Variants in BUD31 observed in about 807,000 individuals in gnomAD.
The protein encoded by BUD31 is BUD31 spliceosome associated protein.
A neutral mutation model predicts 17.9 loss-of-function variants in BUD31; 9 were observed. The observed-to-expected ratio is 0.50, with a 90% CI of 0.30 to 0.88. The LOEUF is 0.88. Among genes scored for constraint, BUD31 ranks in the 40% least tolerant of loss-of-function variants. The pLI is 0.06. For synonymous variants in BUD31, 70 were observed against 64.7 expected (o/e 1.08, Z -0.39); for missense variants, 148 against 184.5 (o/e 0.80, Z 1.15).
At chr7:99,417,807 A>T in intron 5 of BUD31, 1 of 1,508,842 alleles carries the variant, frequency 6.6e-7, no homozygotes. Context: ...GGTCAATCTC[A>T]ACTCCACTTT....
At position 99,411,070 on chromosome 7, in the gene BUD31, G is replaced by C. The variant is rs370124327; in HGVS notation, c.-23G>C. The C allele has an allele frequency of 1.2e-6, 2 of 1,602,476 alleles. No homozygotes were observed. Among genetic ancestry groups the C allele is most frequent in the African/African-American group, 2.7e-5 (2 of 74,638 alleles). On this transcript the variant is annotated 5_prime_UTR_variant, in exon 3 of 6. Transcript: ENST00000222969. ...ATTCATTTTTTTCCCCCAGATCTTT[G>C]CAGATTATCCTGTGGAAGGAAAATG...
chr7:99,417,439 A>G lies in BUD31; in HGVS notation c.228A>G (p.Glu76=), dbSNP rs762758079. The G allele has an allele frequency of 6.2e-7, 1 of 1,613,944 alleles. No individual in the cohort carries two copies. The highest frequency in any genetic ancestry group is 1.3e-5 in the African/African-American group (1 of 75,028). The part of the protein sequence containing the change: ...KRKAISRELY[E]YCIKEGYADK... ...CCATCTTTTTGACAGAACTCTATGAATATTGTATTAAAGAAGGCTATGCAG... is the reference window on the plus strand; with the variant it reads ...CCATCTTTTTGACAGAACTCTATGAGTATTGTATTAAAGAAGGCTATGCAG... Residue 76 remains glutamate, a synonymous_variant, in exon 5 of 6, where the codon GAA becomes GAG. Transcript: ENST00000222969.
At chr7:99,412,581 G>C (rs1229763523) in intron 3 of BUD31, among the ~76,000 whole-genome samples, 1 of 151,570 alleles carries the variant, frequency 6.6e-6, no homozygotes, top group African/African-American at 2.4e-5. Flanking sequence ...GGCATCCACT[G>C]CCACGCTTGG....
rs59301509 is a variant in BUD31 at position 99,416,717 on chromosome 7, CTTTTTTT to C, written c.217+472_217+478del. The C allele has an allele frequency of 6.2e-3, 609 of 98,948 alleles. 4 individuals are homozygous for C. Among genetic ancestry groups the C allele is most frequent in the African/African-American group, 0.024 (559 of 23,504 alleles). 6.1% of individuals were successfully genotyped at this position (98,948 alleles called of 1,614,324 possible). A position where few individuals can be genotyped will look rare whatever the true frequency, so the allele number is the denominator to read the frequency against. ...TATAGGCGTGGTCCACCGCTCTTGG[CTTTTTTT>C]TTTTTTTTTTTTTTGAAACAGGGTC... On this transcript the variant is annotated intron_variant, in intron 4 of 5. Coordinates refer to ENST00000222969, the MANE Select transcript of BUD31 (RefSeq NM_003910.4).
rs1365722013 is a variant in BUD31, at chr7:99,417,414, C to G, written c.218-15C>G. On this transcript the variant is annotated splice_polypyrimidine_tract_variant and intron_variant, in intron 4 of 5. Coordinates refer to ENST00000222969, the MANE Select transcript of BUD31 (RefSeq NM_003910.4). ...TAGACCATGGCCTGATGCTCTTTCCCCATCTTTTTGACAGAACTCTATGAA... is the reference window on the plus strand; with the variant it reads ...TAGACCATGGCCTGATGCTCTTTCCGCATCTTTTTGACAGAACTCTATGAA... 15 of 1,613,172 alleles carry G rather than the reference C, an allele frequency of 9.3e-6. No individual in the cohort carries two copies. Among genetic ancestry groups the G allele is most frequent in the Non-Finnish European group, 1.3e-5 (15 of 1,179,296 alleles).
rs772511178 is a variant in BUD31 at position 99,416,238 on chromosome 7, C to T, written c.195C>T (p.Tyr65=). The change falls in exon 4 of 6, where the codon TAC becomes TAT. Residue 65 remains tyrosine (Y), a synonymous_variant. Transcript: ENST00000222969. The part of the protein sequence containing the change: ...QKTRYIFDLF[Y]KRKAISRELY... ...CCCGCTACATCTTCGACCTCTTTTA[C>T]AAGCGGAAAGCCATCAGCAGAGGTA... 6.2e-7 allele frequency: 1 copy of T among 1,613,926 alleles called. No individual in the cohort carries two copies. Among genetic ancestry groups the T allele is most frequent in the South Asian group, 1.1e-5 (1 of 91,074 alleles).
chr7:99,409,176 CACGTTCGTTCTTCTGAGGGG>C lies in BUD31; in HGVS notation c.-231_-212del, dbSNP rs781429112. On this transcript the variant is annotated 5_prime_UTR_variant, in exon 1 of 6. The change creates a premature stop within an existing upstream ORF in the 5' untranslated region. Transcript: ENST00000222969. ...GAGAGCTCCCGAGAGGAGGCGGCGC[CACGTTCGTTCTTCTGAGGGG>C]ACGGTAGATTTGGGGGTTTTCCTCT... 1 of 152,318 alleles carries C rather than the reference CACGTTCGTTCTTCTGAGGGG, an allele frequency of 6.6e-6. No homozygotes were observed. The highest frequency in any genetic ancestry group is 1.5e-5 in the Non-Finnish European group (1 of 68,152). 9.4% of individuals were successfully genotyped at this position (152,318 alleles called of 1,614,324 possible).
chr7:99,409,800 G>A (rs1425334585), intron 1 of BUD31, among the ~76,000 whole-genome samples: 4 of 150,998 alleles, frequency 2.6e-5, no homozygotes. Context: ...TAAAGTGTCA[G>A]TACAGAAGGG....
chr7:99,411,087 A>G lies in BUD31; in HGVS notation c.-6A>G, dbSNP rs776977295. ...AGATCTTTGCAGATTATCCTGTGGA[A>G]GGAAAATGCCTAAAGTCAAAAGAAG... On this transcript the variant is annotated 5_prime_UTR_variant, in exon 3 of 6. Transcript: ENST00000222969. 2.5e-6 allele frequency: 4 copies of G among 1,613,532 alleles called. No homozygotes were observed. The East Asian group carries it at 8.9e-5, about 36-fold the overall frequency.
chr7:99,417,769 C>G (rs755808989), intron 5 of BUD31, 174 bp downstream of exon 5: 1 of 1,531,148 alleles, frequency 6.5e-7, no homozygotes, highest in Non-Finnish European at 8.7e-7. Flanking sequence ...TGTGAGGCAG[C>G]GTGTGGCTGT....
At chr7:99,417,670 G>C in intron 5 of BUD31, 75 bp downstream of exon 5, 1 of 1,583,618 alleles carries the variant, frequency 6.3e-7, no homozygotes, top group East Asian at 2.3e-5. Context: ...GGGATCTTAT[G>C]TTATTTGGTT....
At position 99,419,474 on chromosome 7, in the gene BUD31, C is replaced by G. The variant is rs770818301; in HGVS notation, c.*33C>G. 2 of 1,608,166 alleles carry G rather than the reference C, an allele frequency of 1.2e-6. No individual in the cohort carries two copies. Among genetic ancestry groups the G allele is most frequent in the Non-Finnish European group, 1.7e-6 (2 of 1,179,574 alleles). On this transcript the variant is annotated 3_prime_UTR_variant, in exon 6 of 6. Coordinates refer to ENST00000222969, the MANE Select transcript of BUD31 (RefSeq NM_003910.4). ...GCGCTCCACCCTGGACTCTGGACTT[C>G]GCAGGTTCCTGCCTGTCACGCCACC...
At chr7:99,409,711 G>GTT (rs1359211635) in intron 1 of BUD31, among the ~76,000 whole-genome samples, 1 of 132,094 alleles carries the variant, frequency 7.6e-6, no homozygotes, top group African/African-American at 2.8e-5. Flanking sequence ...ACCTTATAGA[G>GTT]TTTGATTCCT....
In BUD31 at chr7:99,419,530, G is replaced by A; in HGVS notation, c.*89G>A. On this transcript the variant is annotated 3_prime_UTR_variant, in exon 6 of 6. Coordinates refer to ENST00000222969, the MANE Select transcript of BUD31 (RefSeq NM_003910.4). ...CCTGGGAGCAGCGAGCAGTGCCCCA[G>A]GCCCGAGTTGGAGCACGGTCTCTAT... The A allele has an allele frequency of 6.8e-7, 1 of 1,472,810 alleles. No homozygotes were observed. The highest frequency in any genetic ancestry group is 9.4e-7 in the Non-Finnish European group (1 of 1,063,716). 91.2% of individuals were successfully genotyped at this position (1,472,810 alleles called of 1,614,324 possible).
At position 99,418,022 on chromosome 7, in the gene BUD31, C is replaced by T. The variant is rs1795603148; in HGVS notation, c.384+427C>T. On this transcript the variant is annotated intron_variant, in intron 5 of 5. Transcript: ENST00000222969. The stretch of plus-strand genomic sequence containing the variant: ...TTGCTTTGTCGCCCAGGCTGGAGTG[C>T]AGTGATGCCATCTTGGCTCACTGCA... 4.4e-6 allele frequency: 5 copies of T among 1,138,766 alleles called. No homozygotes were observed. The Admixed American group carries it at 1.8e-4, about 41-fold the overall frequency. The allele number at this position is 1,138,766 out of a possible 1,614,324, so 70.5% of individuals were successfully genotyped here.
intron 3 of BUD31, among the ~76,000 whole-genome samples, chr7:99,413,078 A>G (rs1426424853): frequency 6.6e-6 from 1 of 152,116 alleles, no homozygotes; most frequent in Non-Finnish European, 1.5e-5. Context: ...GCAGAGGCCA[A>G]GGAGGAGCAA....
chr7:99,413,365 G>A (rs34213256), intron 3 of BUD31, among the ~76,000 whole-genome samples: 82 of 152,252 alleles, frequency 5.4e-4, no homozygotes, highest in Non-Finnish European at 3.8e-4. Flanking sequence ...TGTGTTGAAG[G>A]AGCAGCTTCT....
rs758319917 is a variant in BUD31, at chr7:99,419,577, C to T, written c.*136C>T. The T allele has an allele frequency of 1.0e-6, 1 of 981,584 alleles. No individual in the cohort carries two copies. Among genetic ancestry groups the T allele is most frequent in the Non-Finnish European group, 1.5e-6 (1 of 647,700 alleles). 60.8% of individuals were successfully genotyped at this position (981,584 alleles called of 1,614,324 possible). ...CTATGGGGAAGGCTTCGCTGTCTAT[C>T]AGCTGTGATTTGTAAAAATAAAATC... is the stretch of plus-strand genomic sequence containing the variant. On this transcript the variant is annotated 3_prime_UTR_variant, in exon 6 of 6. Coordinates refer to ENST00000222969, the MANE Select transcript of BUD31 (RefSeq NM_003910.4).
intron 3 of BUD31, among the ~76,000 whole-genome samples, chr7:99,415,889 TTAA>T (rs1795416241): frequency 6.6e-6 from 1 of 152,118 alleles, no homozygotes; most frequent in African/African-American, 2.4e-5. Context: ...AAACTAAGGA[TTAA>T]TGATATTCAT....
Sources: allele counts gnomAD v4.1 joint callset (sites outside exome capture counted in the v4.1 genomes callset), GRCh38; gene constraint gnomAD v4.1.1; transcripts MANE v1.5; gene names NCBI Gene and HGNC (gene_info 2026-07-23, HGNC 2026-07-21).